DIAPH2: variants seen among roughly 807,000 people sequenced by gnomAD.
DIAPH2 encodes the protein diaphanous related formin 2.
Under a neutral mutation model 92.7 loss-of-function variants are expected in DIAPH2, and 35 were observed. That is an observed-to-expected ratio of 0.38 (90% CI 0.29 to 0.50). The LOEUF (loss-of-function observed/expected upper bound fraction) is 0.50. Among genes scored for constraint, DIAPH2 ranks in the 20% least tolerant of loss-of-function variants. The pLI, the probability that DIAPH2 is intolerant of heterozygous loss-of-function variation, is 0.94. For synonymous variants in DIAPH2, 301 were observed against 280.4 expected, an observed-to-expected ratio of 1.07 and a Z score of -0.73; for missense variants, 701 against 819.5, an observed-to-expected ratio of 0.86 and a Z score of 1.77.
intron 19 of DIAPH2, among the ~76,000 whole-genome samples, chrX:97,099,327 C>G (rs1243912061): frequency 9.1e-6 from 1 of 109,618 alleles, no homozygotes; most frequent in Non-Finnish European, 1.9e-5. Context: ...GATCGCGCCA[C>G]TGCACTCCAG....
intron 23 of DIAPH2, among the ~76,000 whole-genome samples, chrX:97,297,448 C>T (rs928233830): frequency 9.1e-6 from 1 of 110,078 alleles, no homozygotes; most frequent in African/African-American, 3.3e-5. Flanking sequence ...AACAGGGGCT[C>T]TAACCACCTG....
chrX:97,400,295 G>A (rs1371617601), intron 25 of DIAPH2, among the ~76,000 whole-genome samples: 1 of 112,047 alleles, frequency 8.9e-6, no homozygotes, highest in African/African-American at 3.2e-5. Context: ...ATGTGTTTCT[G>A]TTAACAATAT....
intron 4 of DIAPH2, among the ~76,000 whole-genome samples, chrX:96,772,226 G>T (rs917193343): frequency 8.9e-6 from 1 of 111,931 alleles, no homozygotes; most frequent in African/African-American, 3.2e-5. Flanking sequence ...AAAGAAAAAG[G>T]CCGCCTTAGA....
At chrX:97,343,352 C>T (rs1487155577) in intron 23 of DIAPH2, among the ~76,000 whole-genome samples, 1 of 111,269 alleles carries the variant, frequency 9.0e-6, no homozygotes, top group Non-Finnish European at 1.9e-5. Context: ...GGACCAAGCC[C>T]TCTACTCTAA....
chrX:97,025,206 T>A (rs949584793), intron 17 of DIAPH2, among the ~76,000 whole-genome samples: 2 of 109,574 alleles, frequency 1.8e-5, no homozygotes, highest in Non-Finnish European at 3.8e-5. Context: ...AAATATTAGC[T>A]GGGTATGGTG....
At chrX:96,852,228 G>A (rs957946693) in intron 4 of DIAPH2, among the ~76,000 whole-genome samples, 6 of 112,223 alleles carry the variant, frequency 5.3e-5, no homozygotes, top group Admixed American at 4.7e-4. Flanking sequence ...ATCTTACAAT[G>A]TGGTAGGCAC....
At chrX:96,912,462 A>G in intron 6 of DIAPH2, 21 bp from the exon 7 acceptor site, 1 of 1,200,658 alleles carries the variant, frequency 8.3e-7, no homozygotes, top group Non-Finnish European at 1.1e-6. Flanking sequence ...ACAACATAAT[A>G]TACATTTTTC....
At chrX:97,515,852 G>T (rs2070942730) in intron 26 of DIAPH2, among the ~76,000 whole-genome samples, 1 of 110,715 alleles carries the variant, frequency 9.0e-6, no homozygotes, top group African/African-American at 3.3e-5. Flanking sequence ...GTTGGTAGCG[G>T]GTCTTGAACC....
At chrX:96,934,168 T>A (rs2065641631) in intron 10 of DIAPH2, among the ~76,000 whole-genome samples, 1 of 111,834 alleles carries the variant, frequency 8.9e-6, no homozygotes. Flanking sequence ...TAACATATAC[T>A]ACATACCTCA....
rs2063980512 is a variant in DIAPH2, at chrX:96,720,138, GA to G, written c.133-15618del. 4.5e-5 allele frequency among the ~76,000 whole-genome samples: 5 copies of G among 111,402 alleles called. No homozygotes were observed. The Admixed American group carries it at 4.8e-4, about 11-fold the overall frequency. ...ATAGTTATTTGGCAATTCCTTTACT[GA>G]ACTTCATTAGTCCTTAAAAACTGTG... On this transcript the variant is annotated intron_variant, in intron 1 of 26. Transcript: ENST00000324765.
chrX:97,390,013 G>A, intron 25 of DIAPH2, among the ~76,000 whole-genome samples: 1 of 110,278 alleles, frequency 9.1e-6, no homozygotes. Context: ...GTTTTATAAT[G>A]TTCAAGTTGT....
chrX:96,969,476 T>C (rs772627312), intron 17 of DIAPH2, among the ~76,000 whole-genome samples: 15 of 88,952 alleles, frequency 1.7e-4, no homozygotes, highest in African/African-American at 5.6e-4. Flanking sequence ...CCTAGGTATT[T>C]CATTTTTTTT....
intron 1 of DIAPH2, among the ~76,000 whole-genome samples, chrX:96,734,002 A>G (rs1188881614): frequency 7.1e-5 from 8 of 111,941 alleles, no homozygotes; most frequent in Non-Finnish European, 1.3e-4. Context: ...AAAGTATGTT[A>G]ATTCCAAAGA....
intron 24 of DIAPH2, among the ~76,000 whole-genome samples, chrX:97,358,508 A>T (rs999058279): frequency 1.8e-5 from 2 of 111,979 alleles, no homozygotes; most frequent in African/African-American, 6.5e-5. Context: ...AAAAAAAATT[A>T]TAAAAAATCA....
chrX:97,478,866 G>A (rs1048201969), intron 26 of DIAPH2, among the ~76,000 whole-genome samples: 3 of 111,141 alleles, frequency 2.7e-5, no homozygotes, highest in Non-Finnish European at 5.7e-5. Context: ...GTTAGGTTAT[G>A]GTAGAATGCC....
At chrX:97,396,359 T>G (rs2147744492) in intron 25 of DIAPH2, among the ~76,000 whole-genome samples, 1 of 111,215 alleles carries the variant, frequency 9.0e-6, no homozygotes, top group Non-Finnish European at 1.9e-5. Flanking sequence ...TGGGCTGCTT[T>G]AGAATCAGGA....
At chrX:97,516,343 A>C (rs1278481782) in intron 26 of DIAPH2, among the ~76,000 whole-genome samples, 3 of 112,272 alleles carry the variant, frequency 2.7e-5, no homozygotes, top group African/African-American at 9.7e-5. Context: ...TGTGCTTAGT[A>C]CTGTGGGAAA....
chrX:97,509,721 G>A (rs1426019965), intron 26 of DIAPH2, among the ~76,000 whole-genome samples: 1 of 101,657 alleles, frequency 9.8e-6, no homozygotes, highest in African/African-American at 3.6e-5. Context: ...ATGTGTTCTC[G>A]TTGTTCAATT....
At chrX:96,730,882 AAG>A (rs2064050171) in intron 1 of DIAPH2, among the ~76,000 whole-genome samples, 1 of 110,726 alleles carries the variant, frequency 9.0e-6, no homozygotes, top group South Asian at 3.9e-4. Flanking sequence ...TGAGTCCGAA[AAG>A]AGAGTCAGTG....
Sources: gnomAD v4.1 joint callset for allele counts (sites outside exome capture counted in the v4.1 genomes callset) on GRCh38, gnomAD v4.1.1 for gene constraint, MANE v1.5 for transcripts, NCBI Gene and HGNC (gene_info 2026-07-23, HGNC 2026-07-21) for gene names.